Variants in THOC5 observed in about 807,000 individuals in gnomAD.
The protein encoded by THOC5 is THO complex subunit 5.
In THOC5, 43 loss-of-function variants were observed where a neutral mutation model predicts 92.9. The observed-to-expected ratio is 0.46, with a 90% CI of 0.36 to 0.60. The LOEUF (loss-of-function observed/expected upper bound fraction) is 0.60. THOC5 is among the 20% of genes least tolerant of loss of function. The pLI, the probability that THOC5 is intolerant of heterozygous loss-of-function variation, is 0.00. For synonymous variants in THOC5, 296 were observed against 320.1 expected (o/e 0.92, Z 0.80); for missense variants, 659 against 849.4 (o/e 0.78, Z 2.79).
intron 18 of THOC5, 122 bp from the exon 19 acceptor site, chr22:29,511,418 G>T: frequency 1.9e-6 from 2 of 1,042,212 alleles, no homozygotes; most frequent in East Asian, 2.5e-5. Context: ...TGGGCCAGGG[G>T]CTAGGCCATC....
At chr22:29,518,427 A>G (rs1375934889) in intron 15 of THOC5, among the ~76,000 whole-genome samples, 1 of 152,216 alleles carries the variant, frequency 6.6e-6, no homozygotes, top group Non-Finnish European at 1.5e-5. Flanking sequence ...AACTAAAAGA[A>G]GCCCCCAAAT....
chr22:29,519,216 G>C, intron 14 of THOC5, 96 bp from the exon 15 acceptor site: 1 of 749,586 alleles, frequency 1.3e-6, no homozygotes, highest in East Asian at 2.7e-5. Flanking sequence ...CGGCACCCTG[G>C]ATTATCCATG....
At chr22:29,531,161 A>T in intron 8 of THOC5, 13 of 1,135,788 alleles carry the variant, frequency 1.1e-5, no homozygotes, top group Non-Finnish European at 1.4e-5. Context: ...GACCAGAAGG[A>T]CGAGGAAGAC....
chr22:29,521,075 G>A lies in THOC5; in HGVS notation c.1200C>T (p.Val400=), dbSNP rs753832519. ...GATCCCCAGGATACAAGCAACTCAG[G>A]ACTGAGTCAGGAGACAGCAAGTCAC... ...SAGDLLSPDS[V]LSCLYPGDHG... Residue 400 remains valine (V), a synonymous_variant, in exon 13 of 20, where the codon GTC becomes GTT. Coordinates refer to ENST00000490103, the MANE Select transcript of THOC5 (RefSeq NM_003678.5). 3.7e-6 allele frequency: 6 copies of A among 1,613,898 alleles called. No individual in the cohort carries two copies. The highest frequency in any genetic ancestry group is 5.1e-6 in the Non-Finnish European group (6 of 1,179,790).
chr22:29,520,489 G>GT (rs1269884196), intron 13 of THOC5, among the ~76,000 whole-genome samples: 3 of 151,240 alleles, frequency 2.0e-5, no homozygotes, highest in South Asian at 2.1e-4. Context: ...GGTTTTTTTT[G>GT]TTTTTCTTTT....
In THOC5 at chr22:29,532,280, C is replaced by T. The variant is rs113210068; in HGVS notation, c.715-317G>A. Among the ~76,000 whole-genome samples the T allele has an allele frequency of 7.3e-3, 1,087 of 148,410 alleles. 7 individuals carry two copies. The highest frequency in any genetic ancestry group is 0.013 in the Non-Finnish European group (853 of 67,156). On this transcript the variant is annotated intron_variant, in intron 7 of 19. Coordinates refer to ENST00000490103, the MANE Select transcript of THOC5 (RefSeq NM_003678.5). ...TTCAAGAGCAGCCTGGGTAACTTAG[C>T]GAGATGCCATTTCCACAAAAAATAA...
intron 5 of THOC5, among the ~76,000 whole-genome samples, chr22:29,541,897 TATA>T (rs2063904980): frequency 2.9e-5 from 1 of 34,378 alleles, no homozygotes; most frequent in Non-Finnish European, 5.5e-5. Flanking sequence ...AAAAAAAATA[TATA>T]TATATATATA....
At chr22:29,547,469 T>C (rs1455174908) in intron 2 of THOC5, among the ~76,000 whole-genome samples, 1 of 152,096 alleles carries the variant, frequency 6.6e-6, no homozygotes, top group Admixed American at 6.6e-5. Context: ...GTTCAAGCAA[T>C]TCTCTGCCTC....
At chr22:29,533,994 T>C (rs949838686) in intron 7 of THOC5, among the ~76,000 whole-genome samples, 2 of 152,208 alleles carry the variant, frequency 1.3e-5, no homozygotes, top group African/African-American at 4.8e-5. Context: ...TGGGTATATA[T>C]TCAACAGACA....
In THOC5 at chr22:29,506,948, T is replaced by C. The variant is rs2063146147; in HGVS notation, c.*1509A>G. On this transcript the variant is annotated 3_prime_UTR_variant, in exon 20 of 20. Transcript: ENST00000490103. ...ACAGGCACGATGAATAGCTCACTGC[T>C]ACCTTGAACTCCTGGACTCCAGTCA... 1 of 152,172 alleles carries C rather than the reference T, an allele frequency of 6.6e-6. No homozygotes were observed. The highest frequency in any genetic ancestry group is 2.4e-5 in the African/African-American group (1 of 41,444). 9.4% of individuals were successfully genotyped at this position (152,172 alleles called of 1,614,324 possible). A position where few individuals can be genotyped will look rare whatever the true frequency, so the allele number is the denominator to read the frequency against.
At chr22:29,542,292 T>G (rs979760139) in intron 5 of THOC5, among the ~76,000 whole-genome samples, 4 of 152,144 alleles carry the variant, frequency 2.6e-5, no homozygotes, top group Admixed American at 2.6e-4. Context: ...AGACCCCTGA[T>G]AGGGAGAGAG....
At chr22:29,518,512 G>A (rs546629666) in intron 15 of THOC5, among the ~76,000 whole-genome samples, 1 of 152,120 alleles carries the variant, frequency 6.6e-6, no homozygotes, top group Non-Finnish European at 1.5e-5. Context: ...CCTCACCCTG[G>A]GGAACACGAG....
At chr22:29,517,471 A>G (rs2063355920) in intron 15 of THOC5, 105 bp from the exon 16 acceptor site, 1 of 955,248 alleles carries the variant, frequency 1.0e-6, no homozygotes, top group Admixed American at 2.2e-5. Flanking sequence ...TGGCCCGGCC[A>G]GCTATCCTGG....
intron 14 of THOC5, among the ~76,000 whole-genome samples, chr22:29,519,666 C>T (rs1360725466): frequency 6.8e-6 from 1 of 146,472 alleles, no homozygotes; most frequent in Non-Finnish European, 1.5e-5. Flanking sequence ...GAGTTTTGCT[C>T]TTGTTGCCCA....
chr22:29,512,825 T>C (rs948945424), intron 17 of THOC5, among the ~76,000 whole-genome samples: 10 of 152,362 alleles, frequency 6.6e-5, no homozygotes, highest in African/African-American at 2.2e-4. Context: ...ATCAAAGCTG[T>C]GTTCATAATC....
intron 11 of THOC5, 43 bp from the exon 12 acceptor site, chr22:29,525,989 C>A: frequency 1.4e-6 from 2 of 1,457,594 alleles, no homozygotes; most frequent in Non-Finnish European, 1.9e-6. Flanking sequence ...TCAAAACACT[C>A]AGAGCAGAGT....
intron 19 of THOC5, among the ~76,000 whole-genome samples, chr22:29,510,894 T>C (rs1379739065): frequency 6.6e-6 from 1 of 152,146 alleles, no homozygotes; most frequent in Non-Finnish European, 1.5e-5. Context: ...ACAGAAAGTA[T>C]AGAAAATAAA....
In THOC5 at chr22:29,552,021, G is replaced by A. The variant is rs12158875; in HGVS notation, c.-12+1650C>T. ...AGGCTGGTCTCCAGCTCCTGACCGC[G>A]AGTGATCGGCCAGCCTCGGCCTCCC... On this transcript the variant is annotated intron_variant, in intron 1 of 19. Coordinates refer to ENST00000490103, the MANE Select transcript of THOC5 (RefSeq NM_003678.5). 9.2e-3 allele frequency among the ~76,000 whole-genome samples: 1,407 copies of A among 152,296 alleles called. 22 individuals are homozygous for A. Among genetic ancestry groups the A allele is most frequent in the African/African-American group, 0.032 (1,345 of 41,550 alleles).
chr22:29,544,385 G>A (rs2063968233), intron 3 of THOC5, 75 bp downstream of exon 3: 6 of 1,470,930 alleles, frequency 4.1e-6, no homozygotes, highest in Non-Finnish European at 5.5e-6. Context: ...GATCAGGAAG[G>A]GCCCTGGTAG....
Sources: gnomAD v4.1 joint callset for allele counts (sites outside exome capture counted in the v4.1 genomes callset) on GRCh38, gnomAD v4.1.1 for gene constraint, MANE v1.5 for transcripts, NCBI Gene and HGNC (gene_info 2026-07-23, HGNC 2026-07-21) for gene names.